Variants in ADAM22 observed in about 807,000 individuals in gnomAD.
ADAM22 encodes disintegrin and metalloproteinase domain-containing protein 22.
A neutral mutation model predicts 144.6 loss-of-function variants in ADAM22; 65 were observed. The ratio of observed to expected loss-of-function variants is 0.45; its 90% CI spans 0.37 to 0.55. The LOEUF is 0.55. Ranked by LOEUF, ADAM22 falls within the 20% of genes least tolerant of loss-of-function variation. ADAM22 has a pLI of 0.00. For missense variants in ADAM22, 974 were observed against 1,184.9 expected, an observed-to-expected ratio of 0.82 and a Z score of 2.61; for synonymous variants, 391 against 412.6, an observed-to-expected ratio of 0.95 and a Z score of 0.63.
chr7:88,150,552 G>T (rs1214431838), intron 18 of ADAM22, among the ~76,000 whole-genome samples: 1 of 152,068 alleles, frequency 6.6e-6, no homozygotes, highest in African/African-American at 2.4e-5. Flanking sequence ...ACTAGTTATT[G>T]CTCCATTTAT....
chr7:88,105,910 GCC>G (rs1181694227), intron 4 of ADAM22, among the ~76,000 whole-genome samples: 3 of 152,114 alleles, frequency 2.0e-5, no homozygotes, highest in African/African-American at 7.2e-5. Context: ...CTTCCTATGA[GCC>G]AAGCATTACT....
intron 2 of ADAM22, among the ~76,000 whole-genome samples, chr7:87,968,707 G>A (rs1849719183): frequency 6.6e-6 from 1 of 152,152 alleles, no homozygotes; most frequent in Admixed American, 6.6e-5. Context: ...GAGAAAAAGA[G>A]CATGACCCTA....
chr7:88,006,738 G>C lies in ADAM22; in HGVS notation c.323+28326G>C, dbSNP rs541060355. ...AAAAACTCTCAATAAATTAGGTATT[G>C]ATGGGACGTATCTCAAAATAATAAG... On this transcript the variant is annotated intron_variant, in intron 3 of 31. Transcript: ENST00000413139. Among the ~76,000 whole-genome samples, 343 of 150,142 alleles carry C rather than the reference G, an allele frequency of 2.3e-3. 1 individual carries two copies. The highest frequency in any genetic ancestry group is 7.8e-3 in the African/African-American group (320 of 40,954).
chr7:88,081,053 A>G (rs1816434812), intron 4 of ADAM22, among the ~76,000 whole-genome samples: 1 of 152,212 alleles, frequency 6.6e-6, no homozygotes, highest in African/African-American at 2.4e-5. Flanking sequence ...AGAATTTTAG[A>G]TCAATAACCT....
intron 3 of ADAM22, among the ~76,000 whole-genome samples, chr7:88,006,099 T>A (rs1484432374): frequency 6.6e-6 from 1 of 152,196 alleles, no homozygotes; most frequent in Non-Finnish European, 1.5e-5. Flanking sequence ...GTTCTTTTAA[T>A]CACTTCTTTT....
chr7:87,985,237 C>T (rs1382743003), intron 3 of ADAM22, among the ~76,000 whole-genome samples: 1 of 151,220 alleles, frequency 6.6e-6, no homozygotes, highest in Non-Finnish European at 1.5e-5. Flanking sequence ...GGCGTGAACC[C>T]AGGAGGCAGA....
Position 88,163,053 on chromosome 7 carries a change from A to G in ADAM22, c.1949A>G (p.Tyr650Cys). Residue 650 changes from tyrosine to cysteine, a missense_variant, in exon 23 of 32, where the codon TAT becomes TGT. Physicochemically the swap from Tyr to Cys is radical, Grantham distance 194. Transcript: ENST00000413139. ...VKLEEDVDLGYVEDGTPCGPQ... is the reference protein window; with the variant it reads ...VKLEEDVDLGCVEDGTPCGPQ... Reference sequence around the variant, plus strand: ...CTTGAAGAAGATGTAGATCTTGGCTATGTGGAAGATGGGACACCTTGTGGT... The same window carrying G: ...CTTGAAGAAGATGTAGATCTTGGCTGTGTGGAAGATGGGACACCTTGTGGT... 6.2e-7 allele frequency: 1 copy of G among 1,610,264 alleles called. No homozygotes were observed. The highest frequency in any genetic ancestry group is 8.5e-7 in the Non-Finnish European group (1 of 1,178,356).
At chr7:88,058,061 T>G (rs1231216023) in intron 3 of ADAM22, among the ~76,000 whole-genome samples, 2 of 152,112 alleles carry the variant, frequency 1.3e-5, no homozygotes, top group African/African-American at 4.8e-5. Context: ...ATAATGATAG[T>G]GAGGGTATAA....
chr7:88,054,305 C>G (rs1468446311), intron 3 of ADAM22, among the ~76,000 whole-genome samples: 1 of 152,138 alleles, frequency 6.6e-6, no homozygotes, highest in East Asian at 1.9e-4. Context: ...CTTTCTCATA[C>G]CCTGTTTCCA....
chr7:88,037,039 T>C (rs1370164006), intron 3 of ADAM22, among the ~76,000 whole-genome samples: 1 of 152,158 alleles, frequency 6.6e-6, no homozygotes, highest in Non-Finnish European at 1.5e-5. Flanking sequence ...TGATGTTCCA[T>C]AATATGCAAA....
intron 3 of ADAM22, among the ~76,000 whole-genome samples, chr7:88,029,814 A>G (rs528469575): frequency 8.5e-5 from 13 of 152,076 alleles, no homozygotes; most frequent in Non-Finnish European, 1.8e-4. Flanking sequence ...CTTCTAGCCT[A>G]TAAGATTTCC....
intron 15 of ADAM22, 143 bp from the exon 16 acceptor site, chr7:88,144,982 C>T: frequency 1.6e-6 from 1 of 632,484 alleles, no homozygotes; most frequent in East Asian, 2.9e-5. Context: ...GTTCTGAGCT[C>T]ATGCTTTCTA....
At chr7:88,145,322 T>C in intron 16 of ADAM22, 93 bp from the exon 17 acceptor site, 3 of 1,483,636 alleles carry the variant, frequency 2.0e-6, no homozygotes, top group Non-Finnish European at 2.8e-6. Context: ...GAAAAATTAT[T>C]GTGAGTTTGT....
At chr7:88,072,111 A>G (rs1812993902) in intron 3 of ADAM22, among the ~76,000 whole-genome samples, 1 of 152,240 alleles carries the variant, frequency 6.6e-6, no homozygotes, top group Non-Finnish European at 1.5e-5. Context: ...AATCATTAAA[A>G]TAACAATACT....
At chr7:88,043,779 A>G (rs1803789370) in intron 3 of ADAM22, among the ~76,000 whole-genome samples, 1 of 152,220 alleles carries the variant, frequency 6.6e-6, no homozygotes, top group South Asian at 2.1e-4. Context: ...GAAAAAGCTG[A>G]GTAAAGGTAT....
At chr7:88,087,551 G>T (rs568464008) in intron 4 of ADAM22, among the ~76,000 whole-genome samples, 3 of 152,082 alleles carry the variant, frequency 2.0e-5, no homozygotes, top group Non-Finnish European at 4.4e-5. Context: ...TGTAGATGGG[G>T]CAGGGAACAG....
chr7:88,161,792 T>C (rs1841714229), intron 22 of ADAM22, among the ~76,000 whole-genome samples: 1 of 152,052 alleles, frequency 6.6e-6, no homozygotes. Context: ...TGATTATTAT[T>C]AAAACGTCAA....
intron 17 of ADAM22, 38 bp from the exon 18 acceptor site, chr7:88,148,939 T>A (rs1417666259): frequency 1.4e-6 from 2 of 1,478,004 alleles, no homozygotes; most frequent in Non-Finnish European, 1.9e-6. Flanking sequence ...TTTTTTTTTC[T>A]CCCTACAGTT....
At chr7:88,046,309 C>G (rs547224596) in intron 3 of ADAM22, among the ~76,000 whole-genome samples, 15 of 152,120 alleles carry the variant, frequency 9.9e-5, no homozygotes, top group African/African-American at 3.4e-4. Context: ...TTTGCATTTC[C>G]CTGATTATTA....
Sources: allele counts gnomAD v4.1 joint callset (sites outside exome capture counted in the v4.1 genomes callset), GRCh38; gene constraint gnomAD v4.1.1; transcripts MANE v1.5; gene names NCBI Gene and HGNC (gene_info 2026-07-23, HGNC 2026-07-21).